The following GABRB3 variants were observed in gnomAD, a reference collection of about 807,000 sequenced individuals.
GABRB3 encodes gamma-aminobutyric acid type A receptor subunit beta3, also known as gamma-aminobutyric acid receptor subunit beta-3.
In GABRB3, 14 loss-of-function variants were observed where a neutral mutation model predicts 52.1. That is an observed-to-expected ratio of 0.27 (90% confidence interval 0.18 to 0.42). The LOEUF (loss-of-function observed/expected upper bound fraction) is 0.42, where lower values mean the gene tolerates loss of function less well. Among genes scored for constraint, GABRB3 ranks in the 10% least tolerant of loss-of-function variants. The pLI is 1.00. For missense variants in GABRB3, 307 were observed against 609.1 expected, an observed-to-expected ratio of 0.50 and a Z score of 5.22; for synonymous variants, 260 against 232.3, an observed-to-expected ratio of 1.12 and a Z score of -1.08.
chr15:26,697,672 T>C (rs1346853071), intron 3 of GABRB3, among the ~76,000 whole-genome samples: 1 of 152,304 alleles, frequency 6.6e-6, no homozygotes, highest in East Asian at 1.9e-4. Context: ...AAGTCCAATG[T>C]GTCCCCTGTC....
At chr15:26,699,928 A>C (rs534066294) in intron 3 of GABRB3, among the ~76,000 whole-genome samples, 94 of 149,884 alleles carry the variant, frequency 6.3e-4, no homozygotes, top group African/African-American at 2.2e-3. Flanking sequence ...CTTAGCTTCC[A>C]CTTTATAAAA....
intron 4 of GABRB3, among the ~76,000 whole-genome samples, chr15:26,595,445 A>G (rs1339505317): frequency 6.6e-6 from 1 of 152,178 alleles, no homozygotes; most frequent in Non-Finnish European, 1.5e-5. Context: ...AAATGCCACA[A>G]AACTTTCCTA....
chr15:26,566,553 C>T (rs2140693513), intron 7 of GABRB3, among the ~76,000 whole-genome samples: 1 of 152,162 alleles, frequency 6.6e-6, no homozygotes, highest in East Asian at 1.9e-4. Flanking sequence ...TGGCGAAACC[C>T]CATCTCTACA....
intron 3 of GABRB3, among the ~76,000 whole-genome samples, chr15:26,757,703 CA>C (rs1393814247): frequency 6.6e-6 from 1 of 152,210 alleles, no homozygotes; most frequent in Non-Finnish European, 1.5e-5. Context: ...GGTAATTATT[CA>C]GTGACATTAT....
In GABRB3 at chr15:26,582,271, C is replaced by T. The variant is rs1890816610; in HGVS notation, c.544+1061G>A. On this transcript the variant is annotated intron_variant, in intron 5 of 8. Transcript: ENST00000311550. The stretch of plus-strand genomic sequence containing the variant: ...TGTGACTTGACAGTTGAAACAGGAG[C>T]TGCTGCCTTACTTAGATTCCAAATT... Among the ~76,000 whole-genome samples the T allele has an allele frequency of 2.6e-5, 4 of 152,228 alleles. No individual in the cohort carries two copies. The South Asian group carries it at 8.3e-4, about 32-fold the overall frequency.
intron 3 of GABRB3, among the ~76,000 whole-genome samples, chr15:26,663,588 T>C (rs534277233): frequency 1.3e-5 from 2 of 152,370 alleles, no homozygotes; most frequent in East Asian, 1.9e-4. Context: ...TCAACTTACC[T>C]GTGCTGTCAT....
At chr15:26,637,432 G>A (rs933600871) in intron 3 of GABRB3, among the ~76,000 whole-genome samples, 2 of 152,006 alleles carry the variant, frequency 1.3e-5, no homozygotes, top group African/African-American at 4.8e-5. Flanking sequence ...CCCCCTGCTA[G>A]AACATCAGCT....
intron 4 of GABRB3, among the ~76,000 whole-genome samples, chr15:26,592,708 C>G (rs1463003442): frequency 6.6e-6 from 1 of 152,152 alleles, no homozygotes; most frequent in Non-Finnish European, 1.5e-5. Flanking sequence ...AAGCTTCTTA[C>G]ATTTTAATGG....
intron 3 of GABRB3, among the ~76,000 whole-genome samples, chr15:26,744,773 C>T (rs571954485): frequency 2.6e-5 from 4 of 151,420 alleles, no homozygotes; most frequent in East Asian, 3.9e-4. Flanking sequence ...ATCAAACTCA[C>T]GACATCAAAA....
intron 3 of GABRB3, among the ~76,000 whole-genome samples, chr15:26,765,848 A>G (rs2140190479): frequency 6.6e-6 from 1 of 152,334 alleles, no homozygotes; most frequent in East Asian, 1.9e-4. Context: ...GGAAGAAGAT[A>G]AAGTCCTGTG....
At chr15:26,754,710 G>A (rs1027113548) in intron 3 of GABRB3, among the ~76,000 whole-genome samples, 4 of 151,958 alleles carry the variant, frequency 2.6e-5, no homozygotes, top group Admixed American at 6.6e-5. Flanking sequence ...CCAATGAATC[G>A]GTGCTCACTT....
intron 4 of GABRB3, among the ~76,000 whole-genome samples, chr15:26,618,768 T>A (rs1422748220): frequency 1.3e-5 from 2 of 151,926 alleles, no homozygotes; most frequent in Non-Finnish European, 2.9e-5. Flanking sequence ...AACCTACTCA[T>A]CTGACAAAGG....
At chr15:26,743,035 T>G (rs1890251967) in intron 3 of GABRB3, among the ~76,000 whole-genome samples, 1 of 148,944 alleles carries the variant, frequency 6.7e-6, no homozygotes, top group South Asian at 2.1e-4. Flanking sequence ...GTTCAAGTGA[T>G]TCTCCTGCCT....
chr15:26,694,818 T>G (rs1290042390), intron 3 of GABRB3, among the ~76,000 whole-genome samples: 1 of 152,104 alleles, frequency 6.6e-6, no homozygotes, highest in Non-Finnish European at 1.5e-5. Context: ...ATGTGCACAG[T>G]ATGCAAGAAC....
At position 26,545,504 on chromosome 15, in the gene GABRB3, T is replaced by A. The variant is rs973409029; in HGVS notation, c.*2289A>T. 2 of 152,636 alleles carry A rather than the reference T, an allele frequency of 1.3e-5. No homozygotes were observed. Among genetic ancestry groups the A allele is most frequent in the African/African-American group, 4.8e-5 (2 of 41,456 alleles). 9.5% of individuals were successfully genotyped at this position (152,636 alleles called of 1,614,324 possible). ...ATTAATGTCACAGTTCTGAATAGTA[T>A]AAATTATACACTTAAATAGACCATT... On this transcript the variant is annotated 3_prime_UTR_variant, in exon 9 of 9. Transcript: ENST00000311550.
At chr15:26,657,427 G>C (rs1321650965) in intron 3 of GABRB3, 3 of 152,172 alleles carry the variant, frequency 2.0e-5, no homozygotes. Flanking sequence ...ACTTGCCCTA[G>C]TTTAGTAACA....
intron 3 of GABRB3, among the ~76,000 whole-genome samples, chr15:26,722,359 T>C (rs1377025790): frequency 2.0e-5 from 3 of 152,150 alleles, no homozygotes; most frequent in African/African-American, 7.2e-5. Flanking sequence ...AATTTGAGAA[T>C]GCAGGACTAA....
chr15:26,677,720 T>C (rs2140641868), intron 3 of GABRB3, among the ~76,000 whole-genome samples: 1 of 152,366 alleles, frequency 6.6e-6, no homozygotes, highest in Admixed American at 6.5e-5. Flanking sequence ...CTCTTTGCTC[T>C]GACTTCTTGG....
chr15:26,635,047 T>C (rs1238741434), intron 3 of GABRB3, among the ~76,000 whole-genome samples: 2 of 133,398 alleles, frequency 1.5e-5, no homozygotes, highest in African/African-American at 2.7e-5. Flanking sequence ...AGAGAGACTT[T>C]ATATGTTGAA....
Sources: gnomAD v4.1 joint callset for allele counts (sites outside exome capture counted in the v4.1 genomes callset) on GRCh38, gnomAD v4.1.1 for gene constraint, MANE v1.5 for transcripts, NCBI Gene and HGNC (gene_info 2026-07-23, HGNC 2026-07-21) for gene names.